Variants in MDFIC observed in about 807,000 individuals in gnomAD.
MDFIC encodes the protein myoD family inhibitor domain-containing protein.
MDFIC carries 17 observed loss-of-function variants against 23.2 expected under a neutral mutation model. That is an observed-to-expected ratio of 0.73 (90% CI 0.50 to 1.10). The LOEUF is 1.10. Ranked by LOEUF, MDFIC falls within the 50% of genes least tolerant of loss-of-function variation. The pLI is 0.00. For missense variants in MDFIC, 356 were observed against 316.6 expected, an observed-to-expected ratio of 1.12 and a Z score of -0.95; for synonymous variants, 120 against 115.2, an observed-to-expected ratio of 1.04 and a Z score of -0.27.
At chr7:114,978,953 T>TC (rs1489468340) in intron 3 of MDFIC, among the ~76,000 whole-genome samples, 2 of 152,134 alleles carry the variant, frequency 1.3e-5, no homozygotes, top group Non-Finnish European at 2.9e-5. Context: ...TATTTAAAAA[T>TC]CAAATTAAAG....
intron 3 of MDFIC, among the ~76,000 whole-genome samples, chr7:114,954,912 C>T (rs1322079185): frequency 6.6e-6 from 1 of 152,072 alleles, no homozygotes; most frequent in Non-Finnish European, 1.5e-5. Flanking sequence ...CCTACCACTC[C>T]CCTCACCACT....
chr7:115,013,469 T>C (rs1455501778), intron 4 of MDFIC, among the ~76,000 whole-genome samples: 1 of 152,214 alleles, frequency 6.6e-6, no homozygotes, highest in Non-Finnish European at 1.5e-5. Context: ...CTTTTAAAAA[T>C]ATTCAGTTAA....
At chr7:114,936,941 A>G (rs1357737198) in intron 2 of MDFIC, among the ~76,000 whole-genome samples, 2 of 152,110 alleles carry the variant, frequency 1.3e-5, no homozygotes, top group East Asian at 1.9e-4. Flanking sequence ...TGTAACAAAC[A>G]TATTAGTTGA....
At chr7:114,940,036 A>C (rs77541900) in intron 2 of MDFIC, among the ~76,000 whole-genome samples, 2,636 of 152,270 alleles carry the variant, frequency 0.017, 121 homozygotes, top group East Asian at 0.17. Context: ...TGTAGCAGTA[A>C]AAAGATTTCT....
intron 2 of MDFIC, among the ~76,000 whole-genome samples, chr7:114,932,201 A>G (rs1285710212): frequency 6.6e-6 from 1 of 152,230 alleles, no homozygotes; most frequent in East Asian, 1.9e-4. Context: ...GTTTTTCACC[A>G]ATATGCAAAA....
chr7:114,936,707 G>A (rs1334625534), intron 2 of MDFIC, among the ~76,000 whole-genome samples: 1 of 152,166 alleles, frequency 6.6e-6, no homozygotes, highest in African/African-American at 2.4e-5. Context: ...TAGCTGAGCT[G>A]CAGAGGATTT....
At chr7:114,986,008 A>G (rs1793506123) in intron 4 of MDFIC, among the ~76,000 whole-genome samples, 1 of 149,766 alleles carries the variant, frequency 6.7e-6, no homozygotes, top group African/African-American at 2.4e-5. Context: ...CTGCCCTACC[A>G]TCTGCACCGT....
At chr7:114,982,881 G>A (rs149615129) in intron 4 of MDFIC, among the ~76,000 whole-genome samples, 176 of 152,278 alleles carry the variant, frequency 1.2e-3, no homozygotes, top group Non-Finnish European at 2.0e-3. Flanking sequence ...AGGGAGGAGC[G>A]TGTGTTCTCA....
At chr7:114,991,523 TG>T (rs1791160615) in intron 4 of MDFIC, among the ~76,000 whole-genome samples, 1 of 152,218 alleles carries the variant, frequency 6.6e-6, no homozygotes, top group Non-Finnish European at 1.5e-5. Context: ...AGTTAATTTT[TG>T]TATAAGGTGT....
intron 3 of MDFIC, among the ~76,000 whole-genome samples, chr7:114,945,434 G>A (rs1023849294): frequency 7.2e-5 from 11 of 151,954 alleles, no homozygotes; most frequent in Admixed American, 6.5e-4. Context: ...CTCATACTTG[G>A]TTCATGCTCT....
chr7:114,924,249 C>A (rs139917129), intron 2 of MDFIC, among the ~76,000 whole-genome samples: 1 of 152,224 alleles, frequency 6.6e-6, no homozygotes, highest in East Asian at 1.9e-4. Context: ...AGAAGCAGCC[C>A]GTGTTCTCCA....
intron 3 of MDFIC, among the ~76,000 whole-genome samples, chr7:114,962,834 C>T (rs1236390222): frequency 6.6e-6 from 1 of 152,204 alleles, no homozygotes; most frequent in African/African-American, 2.4e-5. Flanking sequence ...ACATGATTCC[C>T]TCACAACTGT....
Position 114,971,447 on chromosome 7 carries a change from C to T in MDFIC, c.218-8059C>T, listed in dbSNP as rs73443295. ...ATCACACAGAGGGGAGTAAAGGGAT[C>T]CAAAAGCAGGGCTGGGTCTGGGACC... On this transcript the variant is annotated intron_variant, in intron 3 of 4. Coordinates refer to ENST00000393486, the MANE Select transcript of MDFIC (RefSeq NM_001166345.3). Among the ~76,000 whole-genome samples the T allele has an allele frequency of 4.2e-3, 637 of 152,222 alleles. 3 individuals are homozygous for T. The highest frequency in any genetic ancestry group is 0.014 in the African/African-American group (581 of 41,534).
intron 4 of MDFIC, among the ~76,000 whole-genome samples, chr7:114,987,564 G>A (rs1241050802): frequency 1.3e-5 from 2 of 152,256 alleles, no homozygotes; most frequent in East Asian, 3.9e-4. Flanking sequence ...ATAATGGTGT[G>A]GGCGAAAGGT....
chr7:114,938,272 A>G (rs1322166930), intron 2 of MDFIC, among the ~76,000 whole-genome samples: 2 of 152,184 alleles, frequency 1.3e-5, no homozygotes, highest in Non-Finnish European at 2.9e-5. Context: ...TGTATTCTTA[A>G]TAGTTATCCT....
chr7:114,931,607 C>T (rs1282728077), intron 2 of MDFIC, among the ~76,000 whole-genome samples: 2 of 152,112 alleles, frequency 1.3e-5, no homozygotes, highest in Non-Finnish European at 2.9e-5. Flanking sequence ...ATTTCAGTCT[C>T]TTACTGAAAT....
chr7:114,965,082 T>C (rs1357724093), intron 3 of MDFIC, among the ~76,000 whole-genome samples: 1 of 152,174 alleles, frequency 6.6e-6, no homozygotes, highest in Non-Finnish European at 1.5e-5. Context: ...AGCGGAACAA[T>C]TTAGCAAAGG....
At chr7:114,936,103 G>T (rs1792419082) in intron 2 of MDFIC, among the ~76,000 whole-genome samples, 1 of 152,094 alleles carries the variant, frequency 6.6e-6, no homozygotes, top group Non-Finnish European at 1.5e-5. Flanking sequence ...TGAAGAATCT[G>T]ACAAAGATTA....
At chr7:114,962,175 G>A (rs1262399971) in intron 3 of MDFIC, among the ~76,000 whole-genome samples, 1 of 152,062 alleles carries the variant, frequency 6.6e-6, no homozygotes, top group African/African-American at 2.4e-5. Flanking sequence ...TAAAGATAGC[G>A]AAGGTGATCA....
Sources: allele counts gnomAD v4.1 joint callset (sites outside exome capture counted in the v4.1 genomes callset), GRCh38; gene constraint gnomAD v4.1.1; transcripts MANE v1.5; gene names NCBI Gene and HGNC (gene_info 2026-07-23, HGNC 2026-07-21).